Variants in ALPK3 observed in about 807,000 individuals in gnomAD.
ALPK3 encodes the protein alpha kinase 3.
In ALPK3, 102 loss-of-function variants were observed where a neutral mutation model predicts 140.0. The ratio of observed to expected loss-of-function variants is 0.73; its 90% confidence interval spans 0.62 to 0.86. ALPK3 has a LOEUF of 0.86. Ranked by LOEUF, ALPK3 falls within the 40% of genes least tolerant of loss-of-function variation. The pLI, the probability that ALPK3 is intolerant of heterozygous loss-of-function variation, is 0.00. For missense variants in ALPK3, 2,254 were observed against 2,208.2 expected (o/e 1.02, Z -0.42); for synonymous variants, 938 against 898.5 (o/e 1.04, Z -0.79).
Position 84,857,858 on chromosome 15 carries a change from C to T in ALPK3, c.3120C>T (p.Leu1040=). The change falls in exon 6 of 14, where the codon CTC becomes CTT. Residue 1040 remains leucine (L), a synonymous_variant. Transcript: ENST00000258888. ...TGAGCCCCTGTACCTCCCGCCGCCT[C>T]ACCGGCCTCCTGGACCGTGAGGTGC... is the stretch of plus-strand genomic sequence containing the variant. ...LLLSPCTSRR[L]TGLLDREVQA... The T allele has an allele frequency of 1.2e-6, 2 of 1,612,230 alleles. No homozygotes were observed. The highest frequency in any genetic ancestry group is 1.7e-6 in the Non-Finnish European group (2 of 1,179,214).
At chr15:84,827,256 T>G (rs1963497781) in intron 2 of ALPK3, among the ~76,000 whole-genome samples, 1 of 152,210 alleles carries the variant, frequency 6.6e-6, no homozygotes, top group Admixed American at 6.5e-5. Flanking sequence ...GGTCAGTAGC[T>G]TGCCTATTGT....
intron 10 of ALPK3, 42 bp downstream of exon 10, chr15:84,862,957 AC>A (rs1473824268): frequency 1.9e-6 from 3 of 1,581,004 alleles, no homozygotes; most frequent in Non-Finnish European, 2.6e-6. Context: ...TTATTCTCTC[AC>A]CCCCTCCCCT....
At position 84,857,839 on chromosome 15, in the gene ALPK3, C is replaced by G. The variant is rs767289031; in HGVS notation, c.3101C>G (p.Pro1034Arg). 1 of 1,611,712 alleles carries G rather than the reference C, an allele frequency of 6.2e-7. No homozygotes were observed. The highest frequency in any genetic ancestry group is 1.1e-5 in the South Asian group (1 of 90,898). ...VQSAQTLLLS[P>R]CTSRRLTGLL... ...AGTGCACAGACCCTGCTGCTGAGCC[C>G]CTGTACCTCCCGCCGCCTCACCGGC... Residue 1034 changes from proline to arginine, a missense_variant, in exon 6 of 14, where the codon CCC becomes CGC. By Grantham distance (103) the Pro-to-Arg change is moderately radical. Transcript: ENST00000258888.
At chr15:84,841,958 C>T (rs916748435) in intron 5 of ALPK3, among the ~76,000 whole-genome samples, 6 of 152,170 alleles carry the variant, frequency 3.9e-5, no homozygotes. Flanking sequence ...AACATATTTA[C>T]ACTGAGACAA....
chr15:84,857,677 G>C lies in ALPK3; in HGVS notation c.2939G>C (p.Gly980Ala), dbSNP rs201817336. 11 of 1,607,972 alleles carry C rather than the reference G, an allele frequency of 6.8e-6. No homozygotes were observed. The highest frequency in any genetic ancestry group is 9.4e-6 in the Non-Finnish European group (11 of 1,175,664). The part of the protein sequence containing the change: ...LSSTETSGAG[G>A]ESQVGAATGG... Reference sequence around the variant, plus strand: ...AGCACAGAGACAAGTGGAGCAGGGGGAGAGTCCCAGGTGGGGGCAGCCACC... The same window carrying C: ...AGCACAGAGACAAGTGGAGCAGGGGCAGAGTCCCAGGTGGGGGCAGCCACC... The change falls in exon 6 of 14, where the codon GGA becomes GCA. Residue 980 changes from glycine (G) to alanine (A), a missense_variant. Around this residue, in one of 3 missense-constraint regions of ALPK3, gnomAD observed 2,088 missense variants for 2,022.9 expected, o/e 1.03. Coordinates refer to ENST00000258888, the MANE Select transcript of ALPK3 (RefSeq NM_020778.5).
At chr15:84,866,520 G>C (rs1964005312) in intron 12 of ALPK3, among the ~76,000 whole-genome samples, 1 of 152,188 alleles carries the variant, frequency 6.6e-6, no homozygotes, top group Non-Finnish European at 1.5e-5. Flanking sequence ...CAGGTTCCTA[G>C]CAAAATGCTC....
chr15:84,821,906 G>T (rs1038400819), intron 1 of ALPK3, among the ~76,000 whole-genome samples: 1 of 152,184 alleles, frequency 6.6e-6, no homozygotes, highest in Non-Finnish European at 1.5e-5. Context: ...AAAAGGGAAG[G>T]CTCAGGGGTC....
At chr15:84,844,560 A>T (rs1963707052) in intron 5 of ALPK3, among the ~76,000 whole-genome samples, 1 of 152,194 alleles carries the variant, frequency 6.6e-6, no homozygotes, top group Non-Finnish European at 1.5e-5. Context: ...CCTAGAAACT[A>T]TAAAAAGTGG....
intron 5 of ALPK3, among the ~76,000 whole-genome samples, chr15:84,846,094 A>T (rs1250953458): frequency 6.6e-6 from 1 of 152,110 alleles, no homozygotes; most frequent in Admixed American, 6.6e-5. Context: ...CAATAAAAAA[A>T]CCCCAAACAG....
At chr15:84,831,867 T>C (rs927423716) in intron 3 of ALPK3, among the ~76,000 whole-genome samples, 8 of 152,220 alleles carry the variant, frequency 5.3e-5, no homozygotes, top group African/African-American at 1.9e-4. Flanking sequence ...TCCTTCCTCT[T>C]GAACTTGCTA....
intron 5 of ALPK3, among the ~76,000 whole-genome samples, chr15:84,845,211 CAG>C (rs1567090975): frequency 6.6e-6 from 1 of 151,356 alleles, no homozygotes; most frequent in Non-Finnish European, 1.5e-5. Flanking sequence ...TTAACTTGGG[CAG>C]AGAGAGTTCC....
rs1239946944 is a variant in ALPK3, at chr15:84,840,916, A to G, written c.1637A>G (p.His546Arg). Residue 546 changes from histidine (H) to arginine (R), a missense_variant, in exon 5 of 14, where the codon CAC becomes CGC. Physicochemically the swap from His to Arg is conservative, Grantham distance 29 (BLOSUM62 0). Transcript: ENST00000258888. The part of the protein sequence containing the change: ...RDSTLQGQAG[H>R]RTPGEVLECQ... ...AGCACGTTGCAGGGGCAAGCAGGCCACAGGACTCCAGGAGAGGTAAGTGTG... is the reference window on the plus strand; with the variant it reads ...AGCACGTTGCAGGGGCAAGCAGGCCGCAGGACTCCAGGAGAGGTAAGTGTG... 1.2e-6 allele frequency: 2 copies of G among 1,601,306 alleles called. No homozygotes were observed. Among genetic ancestry groups the G allele is most frequent in the Non-Finnish European group, 1.7e-6 (2 of 1,173,824 alleles).
Position 84,840,447 on chromosome 15 carries a change from G to A in ALPK3, c.1168G>A (p.Ala390Thr), listed in dbSNP as rs748809965. The change falls in exon 5 of 14, where the codon GCC (alanine) becomes ACC (threonine). Residue 390 changes from alanine to threonine, a missense_variant. Physicochemically the swap from Ala to Thr is moderately conservative, Grantham distance 58 (BLOSUM62 0). Around this residue, in one of 3 missense-constraint regions of ALPK3, gnomAD observed 2,088 missense variants for 2,022.9 expected, o/e 1.03. Transcript: ENST00000258888. ...SSGTDSTRKP[A>T]SAVGTPDKAQ... is the part of the protein sequence containing the mutation. Reference sequence around the variant, plus strand: ...TGGCACAGATAGTACCAGGAAGCCAGCCTCTGCTGTGGGCACTCCAGACAA... The same window carrying A: ...TGGCACAGATAGTACCAGGAAGCCAACCTCTGCTGTGGGCACTCCAGACAA... 1.2e-5 allele frequency: 20 copies of A among 1,613,716 alleles called. No individual in the cohort carries two copies. The highest frequency in any genetic ancestry group is 1.6e-4 in the Middle Eastern group (1 of 6,084).
At position 84,868,564 on chromosome 15, in the gene ALPK3, G is replaced by A. The variant is rs970048897; in HGVS notation, c.*108G>A. 8 of 1,114,094 alleles carry A rather than the reference G, an allele frequency of 7.2e-6. No individual in the cohort carries two copies. In the African/African-American group the frequency reaches 1.3e-4, roughly 18 times the overall value. The allele number at this position is 1,114,094 out of a possible 1,614,324, so 69.0% of individuals were successfully genotyped here. On this transcript the variant is annotated 3_prime_UTR_variant, in exon 14 of 14. Transcript: ENST00000258888. The stretch of plus-strand genomic sequence containing the variant: ...GAACTAACTGGAGAAGGTGCACGAA[G>A]GAGACACCACTTGGGGACCTCTCTG...
intron 3 of ALPK3, among the ~76,000 whole-genome samples, chr15:84,832,694 A>T (rs2141552016): frequency 6.6e-6 from 1 of 152,350 alleles, no homozygotes; most frequent in Admixed American, 6.5e-5. Context: ...GAGCTGGCAC[A>T]AAGATGCTCA....
rs1405962898 is a variant in ALPK3 at position 84,872,843 on chromosome 15, C to T, written c.*4387C>T. The T allele has an allele frequency of 6.6e-6, 1 of 152,130 alleles. No homozygotes were observed. The highest frequency in any genetic ancestry group is 1.5e-5 in the Non-Finnish European group (1 of 68,026). The allele number at this position is 152,130 out of a possible 1,614,324, so 9.4% of individuals were successfully genotyped here. On this transcript the variant is annotated 3_prime_UTR_variant, in exon 14 of 14. Transcript: ENST00000258888. ...CATCTAAGTGTTAAAATAAGTTTTT[C>T]CTTCAAAAATACATTTGACTTCCTC...
Position 84,857,071 on chromosome 15 carries a change from C to A in ALPK3, c.2333C>A (p.Ala778Glu). Reference sequence around the variant, plus strand: ...GGTTGCCTGCCCAGATCTGAGGAGGCAGTAGTAACAGCCTCCAGGAACCAT... The same window carrying A: ...GGTTGCCTGCCCAGATCTGAGGAGGAAGTAGTAACAGCCTCCAGGAACCAT... ...KPGCLPRSEE[A>E]VVTASRNHEQ... The change falls in exon 6 of 14, where the codon GCA (alanine) becomes GAA (glutamate). Residue 778 changes from alanine to glutamate, a missense_variant. By Grantham distance (107) the Ala-to-Glu change is moderately radical (BLOSUM62 -1). Transcript: ENST00000258888. 1 of 1,614,178 alleles carries A rather than the reference C, an allele frequency of 6.2e-7. No individual in the cohort carries two copies.
chr15:84,820,627 G>A (rs950742598), intron 1 of ALPK3, among the ~76,000 whole-genome samples: 4 of 151,920 alleles, frequency 2.6e-5, no homozygotes, highest in Non-Finnish European at 4.4e-5. Context: ...GATTACAGAC[G>A]CCTGCCACCG....
Position 84,858,556 on chromosome 15 carries a change from GT to G in ALPK3, c.3817+2del. The G allele has an allele frequency of 6.3e-7, 1 of 1,577,950 alleles. No individual in the cohort carries two copies. Among genetic ancestry groups the G allele is most frequent in the Non-Finnish European group, 8.5e-7 (1 of 1,170,200 alleles). On this transcript the variant is annotated splice_donor_variant, in intron 6 of 13. Transcript: ENST00000258888. LOFTEE classifies it high-confidence loss of function. The stretch of plus-strand genomic sequence containing the variant: ...AGGAAAGCCAAAGACCTGCTGAAAG[GT>G]GAGCAGTGGGGAGGGAGAGGGATGG...
Sources: gnomAD v4.1 joint callset for allele counts (sites outside exome capture counted in the v4.1 genomes callset) on GRCh38, gnomAD v4.1.1 for gene constraint, gnomAD v4.1.1 regional missense constraint, MANE v1.5 for transcripts, NCBI Gene and HGNC (gene_info 2026-07-23, HGNC 2026-07-21) for gene names.